RAB3C: variants seen among roughly 807,000 people sequenced by gnomAD.
RAB3C encodes ras-related protein Rab-3C.
RAB3C carries 17 observed loss-of-function variants against 26.4 expected under a neutral mutation model. That is an observed-to-expected ratio of 0.64 (90% CI 0.44 to 0.97). The LOEUF is 0.97. Among genes scored for constraint, RAB3C ranks in the 50% least tolerant of loss-of-function variants. The probability of loss-of-function intolerance (pLI) is 0.00; values close to 1 mark genes in which losing one functional copy is unlikely to be tolerated. For missense variants in RAB3C, 242 were observed against 281.9 expected (o/e 0.86, Z 1.01); for synonymous variants, 91 against 95.9 (o/e 0.95, Z 0.30).
chr5:58,756,136 T>C, intron 3 of RAB3C, among the ~76,000 whole-genome samples: 1 of 151,484 alleles, frequency 6.6e-6, no homozygotes, highest in East Asian at 1.9e-4. Flanking sequence ...TTTTGGTTTA[T>C]TTCTTTCCCC....
At chr5:58,670,865 T>A (rs984590524) in intron 2 of RAB3C, among the ~76,000 whole-genome samples, 1 of 152,166 alleles carries the variant, frequency 6.6e-6, no homozygotes, top group Non-Finnish European at 1.5e-5. Flanking sequence ...ATTTATGACT[T>A]ACAGAGCTCA....
At chr5:58,614,704 G>C (rs1238200932) in intron 1 of RAB3C, among the ~76,000 whole-genome samples, 1 of 151,850 alleles carries the variant, frequency 6.6e-6, no homozygotes, top group Non-Finnish European at 1.5e-5. Flanking sequence ...AGTTGTGCTT[G>C]TCTTCACCTA....
intron 2 of RAB3C, among the ~76,000 whole-genome samples, chr5:58,630,134 C>A (rs966955235): frequency 1.3e-5 from 2 of 152,194 alleles, no homozygotes; most frequent in African/African-American, 4.8e-5. Context: ...TTTTGGGTGT[C>A]TGATAGCTTG....
At chr5:58,690,650 C>A (rs1748552511) in intron 2 of RAB3C, among the ~76,000 whole-genome samples, 1 of 152,136 alleles carries the variant, frequency 6.6e-6, no homozygotes, top group Admixed American at 6.5e-5. Flanking sequence ...AATCCAGCTT[C>A]TTACGCAGCA....
In RAB3C at chr5:58,610,194, C is replaced by CTGTGTGTGTGTGTGTGTGTGTGTG. The variant is rs1168785442; in HGVS notation, c.25-7443_25-7420dup. 8.0e-3 allele frequency among the ~76,000 whole-genome samples: 1,142 copies of CTGTGTGTGTGTGTGTGTGTGTGTG among 143,458 alleles called. 19 individuals carry two copies. Among genetic ancestry groups the CTGTGTGTGTGTGTGTGTGTGTGTG allele is most frequent in the South Asian group, 0.041 (178 of 4,394 alleles). 94.1% of individuals were successfully genotyped at this position (143,458 alleles called of 152,430 possible). On this transcript the variant is annotated intron_variant, in intron 1 of 4. Transcript: ENST00000282878. ...TCAGAAAAAAATGATTTTTGTTTTT[C>CTGTGTGTGTGTGTGTGTGTGTGTG]TGTGTGTGTGTGTGTGTGTGTGTGT...
intron 1 of RAB3C, among the ~76,000 whole-genome samples, chr5:58,605,204 G>C (rs189795387): frequency 1.3e-5 from 2 of 152,246 alleles, no homozygotes; most frequent in South Asian, 2.1e-4. Context: ...GCTTCCATCA[G>C]AGGGTCTGTG....
At chr5:58,845,612 A>ATATATATATATATGTGTGTG in intron 4 of RAB3C, among the ~76,000 whole-genome samples, 73 of 81,714 alleles carry the variant, frequency 8.9e-4, no homozygotes, top group Middle Eastern at 0.02. Flanking sequence ...ATATATATAT[A>ATATATATATATATGTGTGTG]TGTGTGTGTG....
At chr5:58,602,151 G>A (rs557039284) in intron 1 of RAB3C, among the ~76,000 whole-genome samples, 30 of 151,986 alleles carry the variant, frequency 2.0e-4, no homozygotes, top group African/African-American at 5.5e-4. Context: ...ATGTATTTGC[G>A]TGGTTTTGAA....
At chr5:58,635,192 T>C (rs1252765602) in intron 2 of RAB3C, among the ~76,000 whole-genome samples, 1 of 152,184 alleles carries the variant, frequency 6.6e-6, no homozygotes. Flanking sequence ...GTAAAAGTTA[T>C]CAGCTCTCCT....
chr5:58,694,850 A>T (rs371222414), intron 2 of RAB3C, among the ~76,000 whole-genome samples: 1 of 152,082 alleles, frequency 6.6e-6, no homozygotes. Flanking sequence ...AGATGGGTAG[A>T]TTGCAAAAAT....
chr5:58,662,356 TC>T (rs926514404), intron 2 of RAB3C, among the ~76,000 whole-genome samples: 1 of 150,172 alleles, frequency 6.7e-6, no homozygotes, highest in Admixed American at 6.6e-5. Context: ...TCATGCTGAT[TC>T]CTTTCACAGA....
At chr5:58,710,599 A>AAAAT (rs1554048943) in intron 2 of RAB3C, among the ~76,000 whole-genome samples, 4,728 of 135,420 alleles carry the variant, frequency 0.035, 111 homozygotes, top group African/African-American at 0.057. Context: ...ACTCTGTCTC[A>AAAAT]AAATAAATAA....
At chr5:58,721,101 T>A (rs1488243828) in intron 2 of RAB3C, among the ~76,000 whole-genome samples, 1 of 151,868 alleles carries the variant, frequency 6.6e-6, no homozygotes, top group Non-Finnish European at 1.5e-5. Flanking sequence ...CTACTACTTA[T>A]CAAGCTGTGA....
chr5:58,790,224 A>G lies in RAB3C; in HGVS notation c.372-34814A>G, dbSNP rs758885862. 4.1e-4 allele frequency among the ~76,000 whole-genome samples: 63 copies of G among 152,320 alleles called. 1 individual carries two copies. Among genetic ancestry groups the G allele is most frequent in the Non-Finnish European group, 1.6e-4 (11 of 68,024 alleles). On this transcript the variant is annotated intron_variant, in intron 3 of 4. Coordinates refer to ENST00000282878, the MANE Select transcript of RAB3C (RefSeq NM_138453.4). ...ATGATATTTTTTAATGCCAAACACTATCACTAGACTTATTATTCTAAGTTA... is the reference window on the plus strand; with the variant it reads ...ATGATATTTTTTAATGCCAAACACTGTCACTAGACTTATTATTCTAAGTTA...
intron 3 of RAB3C, among the ~76,000 whole-genome samples, chr5:58,771,843 C>T (rs1434849540): frequency 4.1e-5 from 6 of 145,308 alleles, no homozygotes; most frequent in Non-Finnish European, 3.0e-5. Flanking sequence ...TTTTCTTTTT[C>T]TTTTTCTTTT....
intron 2 of RAB3C, among the ~76,000 whole-genome samples, chr5:58,694,077 C>T (rs1014649559): frequency 1.3e-5 from 2 of 152,054 alleles, no homozygotes; most frequent in African/African-American, 2.4e-5. Context: ...TGCTATCGCT[C>T]CCCCAGCCCC....
At chr5:58,655,279 T>C (rs1303053782) in intron 2 of RAB3C, among the ~76,000 whole-genome samples, 3 of 152,164 alleles carry the variant, frequency 2.0e-5, no homozygotes, top group African/African-American at 7.2e-5. Flanking sequence ...AGTCAAGAGA[T>C]GAATGAGGAG....
At chr5:58,666,358 T>G (rs1243122111) in intron 2 of RAB3C, among the ~76,000 whole-genome samples, 1 of 152,200 alleles carries the variant, frequency 6.6e-6, no homozygotes, top group Non-Finnish European at 1.5e-5. Context: ...TTACTCTGTA[T>G]GAGTGGATAG....
intron 4 of RAB3C, among the ~76,000 whole-genome samples, chr5:58,831,314 G>GA (rs1433572597): frequency 4.6e-5 from 7 of 152,190 alleles, no homozygotes; most frequent in African/African-American, 1.7e-4. Context: ...CAATCCAATG[G>GA]AAGATGCTAG....
Sources: allele counts gnomAD v4.1 joint callset (sites outside exome capture counted in the v4.1 genomes callset), GRCh38; gene constraint gnomAD v4.1.1; transcripts MANE v1.5; gene names NCBI Gene and HGNC (gene_info 2026-07-23, HGNC 2026-07-21).